Variants in USP7 observed in about 807,000 individuals in gnomAD.
USP7 encodes ubiquitin C-terminal hydrolase 7.
In USP7, 9 loss-of-function variants were observed where a neutral mutation model predicts 162.9. The observed-to-expected ratio is 0.06, with a 90% CI of 0.03 to 0.10. The LOEUF (loss-of-function observed/expected upper bound fraction) is 0.10. USP7 is among the 10% of genes least tolerant of loss of function. The probability of loss-of-function intolerance (pLI) is 1.00; values close to 1 mark genes in which losing one functional copy is unlikely to be tolerated. For synonymous variants in USP7, 562 were observed against 475.9 expected, an observed-to-expected ratio of 1.18 and a Z score of -2.35; for missense variants, 715 against 1,373.7, an observed-to-expected ratio of 0.52 and a Z score of 7.58.
chr16:8,918,298 T>C (rs534498421), intron 6 of USP7, among the ~76,000 whole-genome samples: 11 of 152,342 alleles, frequency 7.2e-5, no homozygotes, highest in African/African-American at 2.6e-4. Flanking sequence ...CCTGTACTGC[T>C]TCATAATAAT....
At chr16:8,962,349 C>A (rs1050834071) in intron 1 of USP7, 24 of 183,582 alleles carry the variant, frequency 1.3e-4, no homozygotes, top group African/African-American at 4.2e-4. Flanking sequence ...TTCCAACGAC[C>A]AACTCCCTAA....
chr16:8,956,402 G>A (rs1015915516), intron 1 of USP7: 2 of 152,146 alleles, frequency 1.3e-5, no homozygotes, highest in Non-Finnish European at 2.9e-5. Flanking sequence ...AAGGACACAC[G>A]GGCATTTCTG....
chr16:8,904,638 C>A (rs1016751368), intron 14 of USP7, 73 bp from the exon 15 acceptor site: 9 of 1,565,542 alleles, frequency 5.7e-6, no homozygotes, highest in African/African-American at 4.1e-5. Flanking sequence ...GATTCTAGGT[C>A]ATCATTAATA....
chr16:8,905,040 A>C, intron 14 of USP7, 147 bp downstream of exon 14: 1 of 919,112 alleles, frequency 1.1e-6, no homozygotes, highest in Non-Finnish European at 1.6e-6. Context: ...GAAACGCGCA[A>C]GCCCAACCCT....
chr16:8,897,185 A>G (rs2061695325), intron 25 of USP7, 86 bp from the exon 26 acceptor site: 11 of 1,064,164 alleles, frequency 1.0e-5, no homozygotes, highest in Non-Finnish European at 1.6e-5. Flanking sequence ...AAGTTGCATC[A>G]TTGTTCTCAA....
At chr16:8,906,296 G>A in intron 13 of USP7, 130 bp downstream of exon 13, 2 of 1,012,478 alleles carry the variant, frequency 2.0e-6, no homozygotes, top group Admixed American at 2.8e-5. Context: ...ACAGCATTTA[G>A]CAGCCAGAGA....
chr16:8,957,217 T>A (rs1293080288), intron 1 of USP7, among the ~76,000 whole-genome samples: 2 of 152,218 alleles, frequency 1.3e-5, no homozygotes, highest in Admixed American at 6.5e-5. Flanking sequence ...ACTAGAAAAA[T>A]GGCATAACTG....
At chr16:8,922,375 C>A (rs1326597856) in intron 3 of USP7, among the ~76,000 whole-genome samples, 1 of 152,224 alleles carries the variant, frequency 6.6e-6, no homozygotes, top group Non-Finnish European at 1.5e-5. Flanking sequence ...ATAGTCCCAG[C>A]TACTTGAGAC....
At chr16:8,953,081 G>A (rs770727777) in intron 1 of USP7, among the ~76,000 whole-genome samples, 4 of 152,108 alleles carry the variant, frequency 2.6e-5, no homozygotes, top group Admixed American at 6.5e-5. Flanking sequence ...GTAATCTGTC[G>A]CCTTGGCCTC....
intron 26 of USP7, among the ~76,000 whole-genome samples, chr16:8,896,171 G>A (rs2061678848): frequency 1.4e-5 from 2 of 139,964 alleles, no homozygotes; most frequent in African/African-American, 2.7e-5. Flanking sequence ...AAGAGGATCT[G>A]AAATATCAGA....
chr16:8,953,202 C>T (rs116375961), intron 1 of USP7, among the ~76,000 whole-genome samples: 73 of 152,224 alleles, frequency 4.8e-4, no homozygotes, highest in African/African-American at 1.7e-3. Context: ...TCCCCCTCCC[C>T]GCGGTAAGCC....
At position 8,898,506 on chromosome 16, in the gene USP7, T is replaced by C. The variant is rs769080231; in HGVS notation, c.2640+25A>G. 177 of 1,604,942 alleles carry C rather than the reference T, an allele frequency of 1.1e-4. 1 individual carries two copies. The East Asian group carries it at 1.6e-3, about 15-fold the overall frequency. The stretch of plus-strand genomic sequence containing the variant: ...CCCCGAGCCTTCTCTTTATGACCCA[T>C]AGTTACATTAATTTGGACTCATACC... On this transcript the variant is annotated intron_variant, in intron 24 of 30. Coordinates refer to ENST00000344836, the MANE Select transcript of USP7 (RefSeq NM_003470.3).
intron 6 of USP7, among the ~76,000 whole-genome samples, chr16:8,918,613 C>G (rs550682682): frequency 1.6e-3 from 236 of 152,174 alleles, no homozygotes; most frequent in Non-Finnish European, 2.5e-3. Context: ...AGTTCGAGAC[C>G]AGCCTGGACA....
Position 8,963,192 on chromosome 16 carries a change from GC to G in USP7, c.79+14del. The G allele has an allele frequency of 7.1e-7, 1 of 1,407,764 alleles. No homozygotes were observed. 87.2% of individuals were successfully genotyped at this position (1,407,764 alleles called of 1,614,324 possible). A position where few individuals can be genotyped will look rare whatever the true frequency, so the allele number is the denominator to read the frequency against. On this transcript the variant is annotated intron_variant, in intron 1 of 30. Transcript: ENST00000344836. ...GCGCCCCCCGGCCCCGCCGCGGCCG[GC>G]CCTCGGGCCTCACCTTCCATCTCCA...
At chr16:8,959,017 A>G (rs1449455552) in intron 1 of USP7, among the ~76,000 whole-genome samples, 1 of 152,104 alleles carries the variant, frequency 6.6e-6, no homozygotes, top group African/African-American at 2.4e-5. Flanking sequence ...GTTCTAACAT[A>G]GTGTCACATT....
At chr16:8,932,950 ATT>A (rs531572825) in intron 1 of USP7, among the ~76,000 whole-genome samples, 6 of 147,486 alleles carry the variant, frequency 4.1e-5, no homozygotes, top group African/African-American at 1.2e-4. Flanking sequence ...TTCCAATGGA[ATT>A]TTTTTTTTTT....
intron 10 of USP7, among the ~76,000 whole-genome samples, chr16:8,914,226 A>G (rs1160780909): frequency 2.6e-5 from 4 of 152,052 alleles, no homozygotes; most frequent in African/African-American, 9.7e-5. Flanking sequence ...ACAAACTAAA[A>G]TGCAGATAGC....
rs201697945 is a variant in USP7, at chr16:8,898,682, G to A, written c.2532-43C>T. ...ATATAAATAAATGACTTGTTTATTT[G>A]CCTAAAAACAAATATCTGTGAGTGA... is the stretch of plus-strand genomic sequence containing the variant. On this transcript the variant is annotated intron_variant, in intron 23 of 30. Coordinates refer to ENST00000344836, the MANE Select transcript of USP7 (RefSeq NM_003470.3). The A allele has an allele frequency of 6.8e-6, 10 of 1,464,764 alleles. No homozygotes were observed. In the East Asian group the frequency reaches 2.1e-4, roughly 30 times the overall value. The allele number at this position is 1,464,764 out of a possible 1,614,324, so 90.7% of individuals were successfully genotyped here.
At chr16:8,956,063 G>A (rs576644574) in intron 1 of USP7, among the ~76,000 whole-genome samples, 1 of 152,158 alleles carries the variant, frequency 6.6e-6, no homozygotes. Context: ...TTCCAAACCA[G>A]ATGCCAGTTT....
Sources: gnomAD v4.1 joint callset for allele counts (sites outside exome capture counted in the v4.1 genomes callset) on GRCh38, gnomAD v4.1.1 for gene constraint, MANE v1.5 for transcripts, NCBI Gene and HGNC (gene_info 2026-07-23, HGNC 2026-07-21) for gene names.